SLC25A20: variants seen among roughly 807,000 people sequenced by gnomAD.
The protein encoded by SLC25A20 is solute carrier family 25 member 20.
SLC25A20 carries 29 observed loss-of-function variants against 39.7 expected under a neutral mutation model. The observed-to-expected ratio is 0.73, with a 90% CI of 0.54 to 1.00. SLC25A20 has a LOEUF of 1.00. Ranked by LOEUF, SLC25A20 falls within the 50% of genes least tolerant of loss-of-function variation. The pLI is 0.00. For missense variants in SLC25A20, 333 were observed against 379.9 expected (o/e 0.88, Z 1.03); for synonymous variants, 103 against 142.2 (o/e 0.72, Z 1.96).
intron 2 of SLC25A20, among the ~76,000 whole-genome samples, chr3:48,887,320 A>T (rs1425292056): frequency 6.6e-6 from 1 of 152,174 alleles, no homozygotes; most frequent in African/African-American, 2.4e-5. Context: ...AGAAAGCTCA[A>T]ATCTGGCACA....
intron 8 of SLC25A20, among the ~76,000 whole-genome samples, chr3:48,858,251 A>G (rs1294607369): frequency 6.6e-6 from 1 of 152,096 alleles, no homozygotes; most frequent in East Asian, 1.9e-4. Flanking sequence ...TACAGGCACT[A>G]GCCACCATGC....
At chr3:48,875,554 C>T (rs1431646343) in intron 4 of SLC25A20, among the ~76,000 whole-genome samples, 6 of 152,152 alleles carry the variant, frequency 3.9e-5, no homozygotes, top group Admixed American at 6.6e-5. Context: ...GGATTACAGG[C>T]GTGCACAACC....
At chr3:48,897,719 T>C (rs2083920427) in intron 1 of SLC25A20, among the ~76,000 whole-genome samples, 2 of 152,080 alleles carry the variant, frequency 1.3e-5, no homozygotes, top group South Asian at 4.1e-4. Flanking sequence ...CAAAACTATT[T>C]CGCTGTGGAA....
At chr3:48,868,062 A>C (rs2083686247) in intron 4 of SLC25A20, among the ~76,000 whole-genome samples, 1 of 141,808 alleles carries the variant, frequency 7.1e-6, no homozygotes, top group South Asian at 2.2e-4. Flanking sequence ...AACTCCATCT[A>C]AAAAAAAAAA....
chr3:48,895,086 G>A (rs934174484), intron 1 of SLC25A20, among the ~76,000 whole-genome samples: 4 of 152,086 alleles, frequency 2.6e-5, no homozygotes, highest in African/African-American at 4.8e-5. Context: ...TGGGCTCACC[G>A]CAACCTCTGC....
chr3:48,871,816 T>C lies in SLC25A20; in HGVS notation c.417+7542A>G, dbSNP rs1015655779. ...GAGAGAGAAACAAATCACACAAATA[T>C]GTCCAATTGATTCGTTTTTTTGAGA... On this transcript the variant is annotated intron_variant, in intron 4 of 8. Coordinates refer to ENST00000319017, the MANE Select transcript of SLC25A20 (RefSeq NM_000387.6). Among the ~76,000 whole-genome samples, 10 of 148,416 alleles carry C rather than the reference T, an allele frequency of 6.7e-5. No homozygotes were observed. In the East Asian group the frequency reaches 1.4e-3, roughly 20 times the overall value.
chr3:48,865,756 G>A (rs1312071361), intron 4 of SLC25A20, among the ~76,000 whole-genome samples: 33 of 147,104 alleles, frequency 2.2e-4, no homozygotes, highest in Admixed American at 4.8e-4. Flanking sequence ...GAGACAAAGC[G>A]AGACTCTGTC....
chr3:48,863,278 T>C (rs1277942235), intron 4 of SLC25A20, among the ~76,000 whole-genome samples: 1 of 152,206 alleles, frequency 6.6e-6, no homozygotes, highest in Admixed American at 6.5e-5. Flanking sequence ...CGACAAATAC[T>C]TTAGTCATTC....
chr3:48,883,953 C>T (rs745815094), intron 3 of SLC25A20, 44 bp downstream of exon 3: 1 of 1,609,216 alleles, frequency 6.2e-7, no homozygotes, highest in South Asian at 1.1e-5. Flanking sequence ...CCATGTCACG[C>T]TACCAGGCAG....
chr3:48,878,151 C>T (rs1235147031), intron 4 of SLC25A20, among the ~76,000 whole-genome samples: 2 of 149,118 alleles, frequency 1.3e-5, no homozygotes, highest in Non-Finnish European at 3.0e-5. Context: ...GTCCCAGCTA[C>T]TCAGGAGGCT....
intron 4 of SLC25A20, among the ~76,000 whole-genome samples, chr3:48,867,458 T>C (rs866434553): frequency 6.1e-5 from 9 of 148,532 alleles, no homozygotes; most frequent in Non-Finnish European, 8.9e-5. Context: ...TTTCTCCATA[T>C]TGGTCTGGCT....
At chr3:48,882,427 G>A (rs1172714184) in intron 3 of SLC25A20, among the ~76,000 whole-genome samples, 3 of 152,196 alleles carry the variant, frequency 2.0e-5, no homozygotes, top group African/African-American at 7.2e-5. Flanking sequence ...TAGAAAGCAA[G>A]GCTGTTCTTG....
intron 1 of SLC25A20, among the ~76,000 whole-genome samples, chr3:48,894,997 A>G (rs2083901532): frequency 6.8e-6 from 1 of 147,932 alleles, no homozygotes; most frequent in South Asian, 2.2e-4. Context: ...TTGCATTTGT[A>G]TATTTATTTT....
chr3:48,886,821 A>AT (rs1355122468), intron 2 of SLC25A20, among the ~76,000 whole-genome samples: 3 of 152,086 alleles, frequency 2.0e-5, no homozygotes, highest in Admixed American at 6.6e-5. Flanking sequence ...TCTCAAAACC[A>AT]TTTTTTTAAA....
In SLC25A20 at chr3:48,898,834, C is replaced by A. The variant is rs770977156; in HGVS notation, c.-40G>T. On this transcript the variant is annotated 5_prime_UTR_variant, in exon 1 of 9. Coordinates refer to ENST00000319017, the MANE Select transcript of SLC25A20 (RefSeq NM_000387.6). ...TCACTCCGTCTGTCAGTTCTCGGGC[C>A]GTCCTGGCTTCTCAGCCCCAGCTGC... The A allele has an allele frequency of 1.8e-5, 28 of 1,538,212 alleles. No individual in the cohort carries two copies. The highest frequency in any genetic ancestry group is 2.3e-5 in the Non-Finnish European group (26 of 1,135,438).
chr3:48,870,600 A>G (rs1264502763), intron 4 of SLC25A20, among the ~76,000 whole-genome samples: 1 of 130,836 alleles, frequency 7.6e-6, no homozygotes, highest in Non-Finnish European at 1.6e-5. Flanking sequence ...CGACTTTGTC[A>G]TCTCCTGGGT....
intron 1 of SLC25A20, among the ~76,000 whole-genome samples, chr3:48,894,333 T>A (rs539082036): frequency 6.8e-4 from 101 of 148,532 alleles, no homozygotes; most frequent in Non-Finnish European, 1.1e-3. Flanking sequence ...TGGCTCAATC[T>A]CAGTTCACCA....
intron 2 of SLC25A20, among the ~76,000 whole-genome samples, chr3:48,885,743 A>C (rs1484275879): frequency 2.6e-5 from 4 of 152,088 alleles, no homozygotes; most frequent in Non-Finnish European, 4.4e-5. Context: ...CAAAGGTTGC[A>C]GTGAGCCGAG....
chr3:48,886,869 G>GCTCTCT (rs2083833435), intron 2 of SLC25A20, among the ~76,000 whole-genome samples: 1 of 152,150 alleles, frequency 6.6e-6, no homozygotes, highest in Admixed American at 6.6e-5. Context: ...TCCTTATAGA[G>GCTCTCT]AGTAGCAGGA....
Sources: allele counts gnomAD v4.1 joint callset (sites outside exome capture counted in the v4.1 genomes callset), GRCh38; gene constraint gnomAD v4.1.1; transcripts MANE v1.5; gene names NCBI Gene and HGNC (gene_info 2026-07-23, HGNC 2026-07-21).